Variants in SYNM observed in about 807,000 individuals in gnomAD.
The protein encoded by SYNM is desmuslin.
Under a neutral mutation model 104.0 loss-of-function variants are expected in SYNM, and 95 were observed. That is an observed-to-expected ratio of 0.91 (90% CI 0.77 to 1.08). The LOEUF is 1.08. Ranked by LOEUF, SYNM falls within the 50% of genes least tolerant of loss-of-function variation. The pLI, the probability that SYNM is intolerant of heterozygous loss-of-function variation, is 0.00. For synonymous variants in SYNM, 918 were observed against 869.0 expected (o/e 1.06, Z -0.99); for missense variants, 2,150 against 2,052.2 (o/e 1.05, Z -0.92).
chr15:99,126,890 A>T, intron 3 of SYNM, 98 bp downstream of exon 3: 1 of 1,102,028 alleles, frequency 9.1e-7, no homozygotes, highest in Non-Finnish European at 1.3e-6. Context: ...AACGGGTTAG[A>T]TATGGTGTTT....
intron 2 of SYNM, among the ~76,000 whole-genome samples, chr15:99,122,740 G>T (rs1340850245): frequency 6.6e-6 from 1 of 152,208 alleles, no homozygotes; most frequent in Non-Finnish European, 1.5e-5. Context: ...TTGGGAGGCT[G>T]AGGTGGGAGG....
intron 2 of SYNM, among the ~76,000 whole-genome samples, chr15:99,125,524 A>C (rs1451786508): frequency 6.6e-6 from 1 of 152,248 alleles, no homozygotes; most frequent in African/African-American, 2.4e-5. Context: ...CGCCTTCGCG[A>C]GAGTGCCTCA....
Position 99,105,827 on chromosome 15 carries a change from G to C in SYNM, c.628G>C (p.Glu210Gln), listed in dbSNP as rs2067232242. ...QLYEDEVREL[E>Q]EALRRGQESR... ...GTACGAGGACGAGGTGCGCGAGCTGGAGGAGGCGCTGCGGCGCGGCCAGGA... is the reference window on the plus strand; with the variant it reads ...GTACGAGGACGAGGTGCGCGAGCTGCAGGAGGCGCTGCGGCGCGGCCAGGA... The change falls in exon 1 of 4, where the codon GAG (glutamate) becomes CAG (glutamine). Residue 210 changes from glutamate to glutamine, a missense_variant. Coordinates refer to ENST00000336292, the MANE Select transcript of SYNM (RefSeq NM_145728.3). The C allele has an allele frequency of 1.3e-6, 2 of 1,542,414 alleles. No homozygotes were observed. Among genetic ancestry groups the C allele is most frequent in the Non-Finnish European group, 8.7e-7 (1 of 1,145,634 alleles).
chr15:99,130,884 C>T lies in SYNM; in HGVS notation c.2524C>T (p.His842Tyr), dbSNP rs377282437. The change falls in exon 4 of 4, where the codon CAC becomes TAC. Residue 842 changes from histidine to tyrosine, a missense_variant. By Grantham distance (83) the His-to-Tyr change is moderately conservative. Transcript: ENST00000336292. ...CACTCCAGATGAACACCCCGGGGGG[C>T]ACGACAGAGATGACGGCTCGGTGTA... ...VSTPDEHPGG[H>Y]DRDDGSVYGQ... is the part of the protein sequence containing the mutation. 12 of 1,613,750 alleles carry T rather than the reference C, an allele frequency of 7.4e-6. No individual in the cohort carries two copies. In the Admixed American group the frequency reaches 1.5e-4, roughly 20 times the overall value.
rs1259239818 is a variant in SYNM at position 99,131,478 on chromosome 15, A to C, written c.3118A>C (p.Ser1040Arg). 5 of 1,606,272 alleles carry C rather than the reference A, an allele frequency of 3.1e-6. No homozygotes were observed. Among genetic ancestry groups the C allele is most frequent in the Non-Finnish European group, 4.2e-6 (5 of 1,179,434 alleles). The change falls in exon 4 of 4, where the codon AGC becomes CGC. Residue 1040 changes from serine to arginine, a missense_variant. By Grantham distance (110) the Ser-to-Arg change is moderately radical. Transcript: ENST00000336292. The surrounding 1 kb of genome is among the most constrained non-coding windows in gnomAD (Gnocchi z 4.3). ...GGAGTCGGTGGTTCGGGAGAGCCTG[A>C]GCAGGCAACGCAGCCCAGCGCCTGG... ...AVESVVRESL[S>R]RQRSPAPGSP...
At chr15:99,121,598 C>T (rs2067401496) in intron 2 of SYNM, among the ~76,000 whole-genome samples, 1 of 152,140 alleles carries the variant, frequency 6.6e-6, no homozygotes, top group Non-Finnish European at 1.5e-5. Flanking sequence ...GAACCTGCAG[C>T]GCCCCAAACC....
intron 1 of SYNM, among the ~76,000 whole-genome samples, chr15:99,113,025 A>G (rs1398004760): frequency 1.3e-5 from 2 of 152,320 alleles, no homozygotes; most frequent in African/African-American, 2.4e-5. Flanking sequence ...AAGAAGTTTT[A>G]TATCTGAGTC....
chr15:99,108,603 C>T (rs1555483087), intron 1 of SYNM, among the ~76,000 whole-genome samples: 1 of 152,124 alleles, frequency 6.6e-6, no homozygotes, highest in Non-Finnish European at 1.5e-5. Context: ...TCGTGTGTGC[C>T]AGGTACCACA....
intron 1 of SYNM, among the ~76,000 whole-genome samples, chr15:99,107,542 C>T (rs1017240644): frequency 1.3e-5 from 2 of 152,196 alleles, no homozygotes; most frequent in African/African-American, 4.8e-5. Flanking sequence ...TGGACCAAAT[C>T]GTCACCATGC....
chr15:99,108,465 C>T (rs2067270059), intron 1 of SYNM, among the ~76,000 whole-genome samples: 1 of 152,144 alleles, frequency 6.6e-6, no homozygotes, highest in South Asian at 2.1e-4. Flanking sequence ...GATGATTTAA[C>T]CCCAAGCCTG....
At position 99,132,168 on chromosome 15, in the gene SYNM, A is replaced by G. The variant is rs193008240; in HGVS notation, c.3808A>G (p.Lys1270Glu). 7.2e-5 allele frequency: 116 copies of G among 1,613,964 alleles called. No homozygotes were observed. In the East Asian group the frequency reaches 2.5e-3, roughly 35 times the overall value. The stretch of plus-strand genomic sequence containing the variant: ...TGTCAGGCAACTCCAGTTAGGCCCT[A>G]AAGAAGGGTTCAGTGGGCAAATCCA... Reference protein sequence around the residue: ...TSVRQLQLGPKEGFSGQIQFT... With the variant: ...TSVRQLQLGPEEGFSGQIQFT... Residue 1270 changes from lysine to glutamate, a missense_variant, in exon 4 of 4, where the codon AAA becomes GAA. Lys to Glu is a moderately conservative substitution (Grantham distance 56, BLOSUM62 1). Coordinates refer to ENST00000336292, the MANE Select transcript of SYNM (RefSeq NM_145728.3).
chr15:99,132,679 A>G lies in SYNM; in HGVS notation c.4319A>G (p.Lys1440Arg). The change falls in exon 4 of 4, where the codon AAG (lysine) becomes AGG (arginine). Residue 1440 changes from lysine (K) to arginine (R), a missense_variant. Physicochemically the swap from Lys to Arg is conservative, Grantham distance 26. Coordinates refer to ENST00000336292, the MANE Select transcript of SYNM (RefSeq NM_145728.3). ...TCAGCGGACTCCCCTGAGCTAGGCA[A>G]GTTAGCAGACAGCAGCAGAACGCTA... ...AGSADSPELGKLADSSRTLRH... is the reference protein window; with the variant it reads ...AGSADSPELGRLADSSRTLRH... 6.2e-7 allele frequency: 1 copy of G among 1,614,032 alleles called. No homozygotes were observed. The highest frequency in any genetic ancestry group is 8.5e-7 in the Non-Finnish European group (1 of 1,179,894).
At position 99,105,751 on chromosome 15, in the gene SYNM, C is replaced by T. The variant is rs781789668; in HGVS notation, c.552C>T (p.His184=). ...CGCCGCCACGCCTGCGGGAGGTGCA[C>T]GACAGCTACGCACTGCTGGTGGCCG... ...AAPPPRLREV[H]DSYALLVAES... Residue 184 remains histidine, a synonymous_variant, in exon 1 of 4, where the codon CAC becomes CAT. Transcript: ENST00000336292. 9.1e-6 allele frequency: 14 copies of T among 1,532,066 alleles called. No individual in the cohort carries two copies. In the African/African-American group the frequency reaches 1.1e-4, roughly 12 times the overall value. The allele number at this position is 1,532,066 out of a possible 1,614,324, so 94.9% of individuals were successfully genotyped here.
intron 2 of SYNM, among the ~76,000 whole-genome samples, chr15:99,126,302 C>A (rs1459771199): frequency 2.0e-5 from 3 of 152,226 alleles, no homozygotes; most frequent in African/African-American, 7.2e-5. Context: ...AGGAAGAACC[C>A]AGTGGGGGGT....
chr15:99,125,014 A>G (rs1327297752), intron 2 of SYNM, among the ~76,000 whole-genome samples: 2 of 152,226 alleles, frequency 1.3e-5, no homozygotes, highest in African/African-American at 4.8e-5. Flanking sequence ...ATGCTTTGGA[A>G]TTCTGGAAGA....
At chr15:99,138,194 C>G, downstream of SYNM, 2 of 1,586,140 alleles carry the variant, frequency 1.3e-6, no homozygotes, top group Admixed American at 1.7e-5. Flanking sequence ...CCCATCCAGC[C>G]TTTGCTGCCC....
At chr15:99,106,683 A>G (rs369785486) in intron 1 of SYNM, among the ~76,000 whole-genome samples, 14 of 152,368 alleles carry the variant, frequency 9.2e-5, no homozygotes, top group Admixed American at 8.5e-4. Context: ...ATGTTATTAC[A>G]AGTGCAGAGT....
intron 1 of SYNM, among the ~76,000 whole-genome samples, chr15:99,113,343 G>C (rs2067317114): frequency 6.6e-6 from 1 of 152,210 alleles, no homozygotes; most frequent in Non-Finnish European, 1.5e-5. Flanking sequence ...ATTATTAATA[G>C]AGAGTCTGAA....
downstream of SYNM, among the ~76,000 whole-genome samples, chr15:99,138,707 T>C (rs2067845459): frequency 1.3e-5 from 2 of 152,216 alleles, 1 homozygote; most frequent in South Asian, 4.1e-4. Flanking sequence ...GTGAGGAGGA[T>C]GGTCAGGGTT....
Sources: gnomAD v4.1 joint callset for allele counts (sites outside exome capture counted in the v4.1 genomes callset) on GRCh38, gnomAD v4.1.1 for gene constraint, Gnocchi (gnomAD v3.1) non-coding constraint, MANE v1.5 for transcripts, NCBI Gene and HGNC (gene_info 2026-07-23, HGNC 2026-07-21) for gene names.